Variants in PARD3B observed in about 807,000 individuals in gnomAD.
PARD3B encodes partitioning defective 3 homolog B.
In PARD3B, 103 loss-of-function variants were observed where a neutral mutation model predicts 130.2. The observed-to-expected ratio is 0.79, with a 90% CI of 0.67 to 0.93. The LOEUF (loss-of-function observed/expected upper bound fraction) is 0.93. Ranked by LOEUF, PARD3B falls within the 40% of genes least tolerant of loss-of-function variation. The pLI is 0.00. For missense variants in PARD3B, 1,609 were observed against 1,499.2 expected (o/e 1.07, Z -1.21); for synonymous variants, 583 against 553.2 (o/e 1.05, Z -0.76).
chr2:205,417,942 C>T (rs1413818418), intron 19 of PARD3B, among the ~76,000 whole-genome samples: 1 of 152,188 alleles, frequency 6.6e-6, no homozygotes, highest in Non-Finnish European at 1.5e-5. Context: ...ATAGGCAGTA[C>T]TCCTTGGATA....
intron 18 of PARD3B, among the ~76,000 whole-genome samples, chr2:205,382,907 C>T (rs960388808): frequency 4.6e-5 from 7 of 151,944 alleles, no homozygotes; most frequent in South Asian, 2.1e-4. Flanking sequence ...TTTTTGGCAC[C>T]GTGAAATGCT....
chr2:205,196,451 A>G (rs1366364733), intron 15 of PARD3B, among the ~76,000 whole-genome samples: 1 of 152,090 alleles, frequency 6.6e-6, no homozygotes, highest in African/African-American at 2.4e-5. Context: ...GTTACATGGG[A>G]TGCAAGTGAT....
At position 204,858,079 on chromosome 2, in the gene PARD3B, C is replaced by T. The variant is rs145235105; in HGVS notation, c.223-107073C>T. Among the ~76,000 whole-genome samples, 15 of 152,038 alleles carry T rather than the reference C, an allele frequency of 9.9e-5. No individual in the cohort carries two copies. The East Asian group carries it at 2.7e-3, about 27-fold the overall frequency. ...GTATAAATGGATACAATAGTGTATC[C>T]ATAATATTGTAAATGGATTCAATGG... is the stretch of plus-strand genomic sequence containing the variant. On this transcript the variant is annotated intron_variant, in intron 2 of 22. Transcript: ENST00000406610.
chr2:205,049,709 G>T (rs376296765), intron 4 of PARD3B, among the ~76,000 whole-genome samples: 2 of 152,100 alleles, frequency 1.3e-5, no homozygotes, highest in Non-Finnish European at 2.9e-5. Flanking sequence ...TTGGGGTATG[G>T]GGCAGAAAGA....
chr2:205,133,506 C>T (rs149797717), intron 10 of PARD3B, among the ~76,000 whole-genome samples: 473 of 152,222 alleles, frequency 3.1e-3, no homozygotes, highest in African/African-American at 9.2e-3. Context: ...AATTCTGGTG[C>T]TCACTCAAGT....
chr2:205,295,048 C>T (rs2041740382), intron 16 of PARD3B, among the ~76,000 whole-genome samples: 2 of 151,448 alleles, frequency 1.3e-5, no homozygotes, highest in Admixed American at 6.6e-5. Flanking sequence ...TCAAGTAAAG[C>T]ATATAAGACA....
intron 2 of PARD3B, among the ~76,000 whole-genome samples, chr2:204,957,439 AG>A (rs1690355828): frequency 6.6e-6 from 1 of 152,130 alleles, no homozygotes; most frequent in Non-Finnish European, 1.5e-5. Context: ...AAGTTTTTAA[AG>A]GTTCCTGTTC....
At chr2:204,929,806 A>G (rs1273834887) in intron 2 of PARD3B, among the ~76,000 whole-genome samples, 1 of 152,040 alleles carries the variant, frequency 6.6e-6, no homozygotes, top group East Asian at 1.9e-4. Flanking sequence ...CATTTAAAAA[A>G]GATGCTACTA....
intron 20 of PARD3B, among the ~76,000 whole-genome samples, chr2:205,443,820 T>C (rs1217290551): frequency 6.6e-6 from 1 of 152,092 alleles, no homozygotes; most frequent in African/African-American, 2.4e-5. Flanking sequence ...TGCTACTTAT[T>C]GATTGGTAGT....
rs569233311 is a variant in PARD3B at position 204,806,049 on chromosome 2, T to C, written c.222+119767T>C. ...ATTGGAAGAATCAATATTGCTAAAA[T>C]GTACGTTCTGCCCAAAGCAAACCGC... On this transcript the variant is annotated intron_variant, in intron 2 of 22. Coordinates refer to ENST00000406610, the MANE Select transcript of PARD3B (RefSeq NM_001302769.2). Among the ~76,000 whole-genome samples the C allele has an allele frequency of 3.3e-5, 5 of 152,154 alleles. No individual in the cohort carries two copies. The East Asian group carries it at 9.7e-4, about 29-fold the overall frequency.
At chr2:205,236,215 G>T (rs931899041) in intron 15 of PARD3B, among the ~76,000 whole-genome samples, 18 of 152,142 alleles carry the variant, frequency 1.2e-4, no homozygotes, top group Non-Finnish European at 1.5e-5. Context: ...TTCTCACACA[G>T]GAAACTCCAG....
At chr2:204,995,022 G>A (rs1206372971) in intron 3 of PARD3B, among the ~76,000 whole-genome samples, 1 of 151,100 alleles carries the variant, frequency 6.6e-6, no homozygotes, top group East Asian at 2.0e-4. Flanking sequence ...GATGGGTCTT[G>A]ACTCTTTATC....
At chr2:205,402,625 C>G (rs1243746437) in intron 19 of PARD3B, among the ~76,000 whole-genome samples, 1 of 152,166 alleles carries the variant, frequency 6.6e-6, no homozygotes, top group East Asian at 1.9e-4. Flanking sequence ...GGGTTCATTT[C>G]CTTTCTGGTT....
rs200017661 is a variant in PARD3B, at chr2:205,035,926, CTA to C, written c.395-11635_395-11634del. ...TATATGAGATATATCTCTGACTCCA[CTA>C]TATATATATATATATATATGACTAT... On this transcript the variant is annotated intron_variant, in intron 3 of 22. Transcript: ENST00000406610. Among the ~76,000 whole-genome samples, 1,228 of 126,014 alleles carry C rather than the reference CTA, an allele frequency of 9.7e-3. 11 individuals carry two copies. Among genetic ancestry groups the C allele is most frequent in the African/African-American group, 0.021 (696 of 33,624 alleles). The allele number at this position is 126,014 out of a possible 152,430, so 82.7% of individuals were successfully genotyped here.
chr2:204,625,029 ATCTT>A (rs1041952216), intron 1 of PARD3B, among the ~76,000 whole-genome samples: 2 of 152,130 alleles, frequency 1.3e-5, no homozygotes, highest in East Asian at 3.9e-4. Context: ...CTTCAGCTAA[ATCTT>A]TCTTAATGTC....
At chr2:204,618,060 A>G (rs976674571) in intron 1 of PARD3B, among the ~76,000 whole-genome samples, 3 of 152,172 alleles carry the variant, frequency 2.0e-5, no homozygotes, top group Admixed American at 1.3e-4. Flanking sequence ...ATTTTTAACC[A>G]TGTAATTGTG....
At chr2:205,373,451 C>T (rs2044903587) in intron 18 of PARD3B, among the ~76,000 whole-genome samples, 1 of 152,160 alleles carries the variant, frequency 6.6e-6, no homozygotes, top group Admixed American at 6.5e-5. Context: ...TCTATTCATG[C>T]CTCTTCCATG....
intron 22 of PARD3B, among the ~76,000 whole-genome samples, chr2:205,588,267 A>T (rs905708283): frequency 7.2e-5 from 11 of 152,318 alleles, no homozygotes; most frequent in African/African-American, 2.6e-4. Flanking sequence ...CATAAAAAAG[A>T]TTTCCTCTAA....
intron 22 of PARD3B, among the ~76,000 whole-genome samples, chr2:205,553,644 G>A (rs2052748634): frequency 1.3e-5 from 2 of 152,094 alleles, no homozygotes; most frequent in East Asian, 3.9e-4. Flanking sequence ...CAAGAACATT[G>A]GATACTAAAT....
Sources: gnomAD v4.1 joint callset for allele counts (sites outside exome capture counted in the v4.1 genomes callset) on GRCh38, gnomAD v4.1.1 for gene constraint, MANE v1.5 for transcripts, NCBI Gene and HGNC (gene_info 2026-07-23, HGNC 2026-07-21) for gene names.